POU2F1: variants seen among roughly 807,000 people sequenced by gnomAD.
POU2F1 encodes the protein POU domain, class 2, transcription factor 1.
Under a neutral mutation model 84.9 loss-of-function variants are expected in POU2F1, and 16 were observed. The ratio of observed to expected loss-of-function variants is 0.19; its 90% CI spans 0.13 to 0.29. The LOEUF is 0.29. Ranked by LOEUF, POU2F1 falls within the 10% of genes least tolerant of loss-of-function variation. The pLI is 1.00. For missense variants in POU2F1, 738 were observed against 942.6 expected (o/e 0.78, Z 2.84); for synonymous variants, 368 against 368.3 (o/e 1.00, Z 0.01).
intron 1 of POU2F1, among the ~76,000 whole-genome samples, chr1:167,248,229 A>G (rs1650480272): frequency 6.6e-6 from 1 of 152,230 alleles, no homozygotes; most frequent in Admixed American, 6.5e-5. Context: ...ACATTTATTC[A>G]TGATAGACAA....
At chr1:167,222,095 G>T (rs965259239) in intron 1 of POU2F1, among the ~76,000 whole-genome samples, 1 of 152,052 alleles carries the variant, frequency 6.6e-6, no homozygotes, top group Non-Finnish European at 1.5e-5. Context: ...CTCTCGCTCC[G>T]AGGCCCCAGA....
At chr1:167,234,439 A>G (rs1401879727) in intron 1 of POU2F1, among the ~76,000 whole-genome samples, 1 of 152,096 alleles carries the variant, frequency 6.6e-6, no homozygotes, top group East Asian at 1.9e-4. Context: ...TTTGTTAAGA[A>G]TTGTATTTTA....
intron 9 of POU2F1, among the ~76,000 whole-genome samples, chr1:167,394,465 G>A (rs1373218868): frequency 6.6e-6 from 1 of 152,068 alleles, no homozygotes; most frequent in Admixed American, 6.5e-5. Context: ...GCAGTTTTAT[G>A]GTAATTGGAA....
rs887508161 is a variant in POU2F1, at chr1:167,416,775, C to G, written c.*965C>G. 6.6e-6 allele frequency: 1 copy of G among 152,268 alleles called. No individual in the cohort carries two copies. Among genetic ancestry groups the G allele is most frequent in the African/African-American group, 2.4e-5 (1 of 41,430 alleles). 9.4% of individuals were successfully genotyped at this position (152,268 alleles called of 1,614,324 possible). A position where few individuals can be genotyped will look rare whatever the true frequency, so the allele number is the denominator to read the frequency against. ...CCAAATCATTGAATGACCCTGAGGC[C>G]CAGTTCCTGTGGTGCAACAGTGCTG... On this transcript the variant is annotated 3_prime_UTR_variant, in exon 16 of 16. Transcript: ENST00000367866.
chr1:167,322,196 T>G (rs776569904), intron 1 of POU2F1, among the ~76,000 whole-genome samples: 3 of 152,210 alleles, frequency 2.0e-5, no homozygotes, highest in Admixed American at 6.5e-5. Context: ...ATAAGTTGCT[T>G]TGCCTTATTT....
intron 1 of POU2F1, among the ~76,000 whole-genome samples, chr1:167,301,318 A>T (rs1048928880): frequency 3.9e-5 from 6 of 152,242 alleles, no homozygotes; most frequent in Non-Finnish European, 7.3e-5. Flanking sequence ...CAGACACGTT[A>T]GTTACTGCTG....
intron 2 of POU2F1, among the ~76,000 whole-genome samples, chr1:167,351,519 C>CAAAAAAAAAAAAAAAAAAAAAAAAA (rs34170498): frequency 4.3e-5 from 2 of 45,994 alleles, no homozygotes; most frequent in African/African-American, 7.2e-5. Flanking sequence ...AGCACCATCT[C>CAAAAAAAAAAAAAAAAAAAAAAAAA]AAAAAAAAAA....
chr1:167,397,988 T>C lies in POU2F1; in HGVS notation c.1130-6T>C, dbSNP rs750750302. 6.2e-7 allele frequency: 1 copy of C among 1,607,712 alleles called. No homozygotes were observed. Among genetic ancestry groups the C allele is most frequent in the East Asian group, 2.2e-5 (1 of 44,844 alleles). On this transcript the variant is annotated splice_polypyrimidine_tract_variant and splice_region_variant and intron_variant, in intron 10 of 15. Transcript: ENST00000367866. ...TTTTATTTCTGTATTTTCTTCATTCTTACAGAGAACCTCTCATCTGATTCG... is the reference window on the plus strand; with the variant it reads ...TTTTATTTCTGTATTTTCTTCATTCCTACAGAGAACCTCTCATCTGATTCG...
chr1:167,305,762 A>G (rs1655022847), intron 1 of POU2F1, among the ~76,000 whole-genome samples: 2 of 152,322 alleles, frequency 1.3e-5, no homozygotes, highest in Admixed American at 6.5e-5. Flanking sequence ...AAAGCTTATA[A>G]AGATAATGTG....
In POU2F1 at chr1:167,220,967, T is replaced by C. The variant is rs1648066431; in HGVS notation, c.61+9T>C. ...GGCGGCAGCAGCAGCAGGTAATCAT[T>C]ACAGCATTTTACATATTCATATTCA... On this transcript the variant is annotated intron_variant, in intron 1 of 15. Transcript: ENST00000367866. 6.5e-7 allele frequency: 1 copy of C among 1,533,946 alleles called. No homozygotes were observed. The highest frequency in any genetic ancestry group is 1.4e-5 in the African/African-American group (1 of 72,864).
intron 1 of POU2F1, among the ~76,000 whole-genome samples, chr1:167,234,942 C>G (rs1177934794): frequency 6.6e-6 from 1 of 152,156 alleles, no homozygotes; most frequent in Non-Finnish European, 1.5e-5. Context: ...AATATGCAAG[C>G]AAATTATGCA....
intron 2 of POU2F1, among the ~76,000 whole-genome samples, chr1:167,344,640 A>T (rs746475398): frequency 6.6e-6 from 1 of 152,156 alleles, no homozygotes. Context: ...TAAGATGGAG[A>T]TAAATAATAA....
chr1:167,293,106 A>G (rs1176262651), intron 1 of POU2F1, among the ~76,000 whole-genome samples: 2 of 152,196 alleles, frequency 1.3e-5, no homozygotes, highest in African/African-American at 2.4e-5. Flanking sequence ...CAAGACGACA[A>G]TGCCCACTTT....
In POU2F1 at chr1:167,220,954, A is replaced by C; in HGVS notation, c.57A>C (p.Ala19=). The C allele has an allele frequency of 2.0e-6, 3 of 1,535,276 alleles. No homozygotes were observed. The highest frequency in any genetic ancestry group is 2.6e-6 in the Non-Finnish European group (3 of 1,146,684). The part of the protein sequence containing the change: ...QDESSAAAAA[A]ADSRMNNPSE... ...AGAGTTCAGCCGCGGCGGCAGCAGC[A>C]GCAGGTAATCATTACAGCATTTTAC... The change falls in exon 1 of 16, where the codon GCA becomes GCC. Residue 19 remains alanine (A), a synonymous_variant. Transcript: ENST00000367866.
At chr1:167,273,832 A>G (rs995828253) in intron 1 of POU2F1, among the ~76,000 whole-genome samples, 4 of 152,258 alleles carry the variant, frequency 2.6e-5, no homozygotes, top group African/African-American at 7.2e-5. Context: ...ATTGCTTAAG[A>G]TAGAAAAATA....
At chr1:167,313,409 AC>A (rs1655637704) in intron 1 of POU2F1, among the ~76,000 whole-genome samples, 1 of 152,210 alleles carries the variant, frequency 6.6e-6, no homozygotes, top group South Asian at 2.1e-4. Context: ...AGAGTCAGTT[AC>A]CCCAATTTCA....
chr1:167,383,186 A>T (rs1057489540), intron 7 of POU2F1, among the ~76,000 whole-genome samples: 1 of 152,210 alleles, frequency 6.6e-6, no homozygotes, highest in South Asian at 2.1e-4. Context: ...TGTATTTAAG[A>T]TTAAATCCTT....
chr1:167,346,170 G>A (rs34552706), intron 2 of POU2F1, among the ~76,000 whole-genome samples: 1,843 of 151,862 alleles, frequency 0.012, 14 homozygotes, highest in South Asian at 0.026. Flanking sequence ...GTGAGACCCT[G>A]GATTTTTTTT....
At chr1:167,348,583 C>G (rs936474382) in intron 2 of POU2F1, among the ~76,000 whole-genome samples, 6 of 152,098 alleles carry the variant, frequency 3.9e-5, no homozygotes, top group African/African-American at 1.4e-4. Flanking sequence ...TTCATTTTCC[C>G]CAGGAAATAA....
Sources: allele counts gnomAD v4.1 joint callset (sites outside exome capture counted in the v4.1 genomes callset), GRCh38; gene constraint gnomAD v4.1.1; transcripts MANE v1.5; gene names NCBI Gene and HGNC (gene_info 2026-07-23, HGNC 2026-07-21).